Variants in CDV3 observed in about 807,000 individuals in gnomAD.
CDV3 encodes CDV3 homolog.
CDV3 carries 14 observed loss-of-function variants against 24.5 expected under a neutral mutation model. The observed-to-expected ratio is 0.57, with a 90% CI of 0.38 to 0.89. The LOEUF (loss-of-function observed/expected upper bound fraction) is 0.89. CDV3 is among the 40% of genes least tolerant of loss of function. The probability of loss-of-function intolerance (pLI) is 0.00; values close to 1 mark genes in which losing one functional copy is unlikely to be tolerated. For missense variants in CDV3, 304 were observed against 310.2 expected (o/e 0.98, Z 0.15); for synonymous variants, 114 against 114.1 (o/e 1.00, Z 0.00).
chr3:133,584,652 G>A (rs2107732254), intron 3 of CDV3, among the ~76,000 whole-genome samples: 1 of 152,022 alleles, frequency 6.6e-6, no homozygotes, highest in East Asian at 1.9e-4. Context: ...AAAGACAAGG[G>A]GCCCTTGTCT....
At chr3:133,585,827 G>A (rs1933543619) in intron 3 of CDV3, among the ~76,000 whole-genome samples, 1 of 152,150 alleles carries the variant, frequency 6.6e-6, no homozygotes, top group Non-Finnish European at 1.5e-5. Flanking sequence ...TAACCACACT[G>A]GCATTTCATT....
chr3:133,588,549 G>C lies in CDV3; in HGVS notation c.*503G>C, dbSNP rs1443621052. On this transcript the variant is annotated 3_prime_UTR_variant, in exon 5 of 5. Transcript: ENST00000264993. Reference sequence around the variant, plus strand: ...TGGGTTCTGATCTGCTGTAAAAGATGAAGATTTAAGTGACCTTAATTAACC... The same window carrying C: ...TGGGTTCTGATCTGCTGTAAAAGATCAAGATTTAAGTGACCTTAATTAACC... 39 of 637,504 alleles carry C rather than the reference G, an allele frequency of 6.1e-5. No homozygotes were observed. In the East Asian group the frequency reaches 1.0e-3, roughly 17 times the overall value. The allele number at this position is 637,504 out of a possible 1,614,324, so 39.5% of individuals were successfully genotyped here.
At chr3:133,580,244 T>C (rs2074963674) in intron 2 of CDV3, among the ~76,000 whole-genome samples, 1 of 152,110 alleles carries the variant, frequency 6.6e-6, no homozygotes, top group South Asian at 2.1e-4. Context: ...CCTTGTGATA[T>C]TTTGCTGAGA....
chr3:133,584,124 T>G lies in CDV3; in HGVS notation c.440T>G (p.Val147Gly), dbSNP rs761518467. Residue 147 changes from valine to glycine, a missense_variant, in exon 3 of 5, where the codon GTA (valine) becomes GGA (glycine). By Grantham distance (109) the Val-to-Gly change is moderately radical. This residue lies in a region of CDV3 where 219 missense variants were observed against 203.6 expected (regional missense o/e 1.08). Transcript: ENST00000264993. ...SSGPWNKTAP[V>G]QAPPAPVIVT... The stretch of plus-strand genomic sequence containing the variant: ...GGTCCCTGGAATAAAACAGCTCCAG[T>G]ACAAGCACCTCCTGCTCCAGTAATT... The G allele has an allele frequency of 8.1e-6, 13 of 1,611,066 alleles. No individual in the cohort carries two copies. The highest frequency in any genetic ancestry group is 1.0e-5 in the Non-Finnish European group (12 of 1,178,620).
At chr3:133,582,683 G>A (rs1933166003) in intron 2 of CDV3, among the ~76,000 whole-genome samples, 1 of 152,206 alleles carries the variant, frequency 6.6e-6, no homozygotes, top group Non-Finnish European at 1.5e-5. Flanking sequence ...GCAAGGGACA[G>A]AGTTTTGGGA....
At position 133,573,911 on chromosome 3, in the gene CDV3, C is replaced by T. The variant is rs1337024423; in HGVS notation, c.-134C>T. ...GCCGCCCGTCTCGCCGCGCACGCCT[C>T]GGCGACCCCGCGGGGCTGAGGCGTC... On this transcript the variant is annotated 5_prime_UTR_variant, in exon 1 of 5. Transcript: ENST00000264993. The T allele has an allele frequency of 1.8e-5, 12 of 656,768 alleles. No individual in the cohort carries two copies. Among genetic ancestry groups the T allele is most frequent in the Non-Finnish European group, 2.1e-5 (11 of 530,032 alleles). 40.7% of individuals were successfully genotyped at this position (656,768 alleles called of 1,614,324 possible).
chr3:133,585,428 G>A lies in CDV3; in HGVS notation c.467-1135G>A, dbSNP rs185433688. Among the ~76,000 whole-genome samples, 435 of 152,084 alleles carry A rather than the reference G, an allele frequency of 2.9e-3. 3 individuals carry two copies. Among genetic ancestry groups the A allele is most frequent in the Non-Finnish European group, 4.6e-3 (310 of 68,002 alleles). ...GCTCCTGACTTCAAGTGATCTGCCC[G>A]CCTCGGCCTCCCAAAGTGCTGGGAT... On this transcript the variant is annotated intron_variant, in intron 3 of 4. Coordinates refer to ENST00000264993, the MANE Select transcript of CDV3 (RefSeq NM_017548.5).
At position 133,588,764 on chromosome 3, in the gene CDV3, G is replaced by T; in HGVS notation, c.*718G>T. The T allele has an allele frequency of 5.4e-6, 1 of 186,014 alleles. No homozygotes were observed. Among genetic ancestry groups the T allele is most frequent in the Non-Finnish European group, 1.1e-5 (1 of 91,806 alleles). 11.5% of individuals were successfully genotyped at this position (186,014 alleles called of 1,614,324 possible). A position where few individuals can be genotyped will look rare whatever the true frequency, so the allele number is the denominator to read the frequency against. On this transcript the variant is annotated 3_prime_UTR_variant, in exon 5 of 5. Coordinates refer to ENST00000264993, the MANE Select transcript of CDV3 (RefSeq NM_017548.5). ...TCAACCAAACTGGGGTCCACCAAGT[G>T]GGGGAAGGGGAAGGGAGAGAATAAT... is the stretch of plus-strand genomic sequence containing the variant.
At position 133,590,082 on chromosome 3, in the gene CDV3, TTG is replaced by T. The variant is rs1933970097; in HGVS notation, c.*2038_*2039del. The T allele has an allele frequency of 6.6e-6, 1 of 152,194 alleles. No homozygotes were observed. The highest frequency in any genetic ancestry group is 1.5e-5 in the Non-Finnish European group (1 of 68,036). The allele number at this position is 152,194 out of a possible 1,614,324, so 9.4% of individuals were successfully genotyped here. ...CTGCAGCAGATTTAAATTACAACTCTTGTTATAACTTTTTAAAAGATTGTGAA... is the reference window on the plus strand; with the variant it reads ...CTGCAGCAGATTTAAATTACAACTCTTTATAACTTTTTAAAAGATTGTGAA... On this transcript the variant is annotated 3_prime_UTR_variant, in exon 5 of 5. Coordinates refer to ENST00000264993, the MANE Select transcript of CDV3 (RefSeq NM_017548.5).
chr3:133,584,099 G>A lies in CDV3; in HGVS notation c.415G>A (p.Gly139Ser), dbSNP rs760183626. 1.2e-6 allele frequency: 2 copies of A among 1,612,826 alleles called. No homozygotes were observed. Among genetic ancestry groups the A allele is most frequent in the South Asian group, 2.2e-5 (2 of 91,028 alleles). Residue 139 changes from glycine (G) to serine (S), a missense_variant, in exon 3 of 5, where the codon GGT (glycine) becomes AGT (serine). Physicochemically the swap from Gly to Ser is moderately conservative, Grantham distance 56. Coordinates refer to ENST00000264993, the MANE Select transcript of CDV3 (RefSeq NM_017548.5). ...GGGGGMEKSS[G>S]PWNKTAPVQA... ...TGGTGGAGGTATGGAAAAATCTTCA[G>A]GTCCCTGGAATAAAACAGCTCCAGT... is the stretch of plus-strand genomic sequence containing the variant.
intron 3 of CDV3, among the ~76,000 whole-genome samples, chr3:133,585,123 T>C (rs908088322): frequency 4.1e-4 from 62 of 152,218 alleles, no homozygotes; most frequent in African/African-American, 1.4e-3. Flanking sequence ...CATGCAATCA[T>C]GGCTCATTGC....
chr3:133,579,695 C>T (rs746162288), intron 2 of CDV3, among the ~76,000 whole-genome samples: 21 of 152,062 alleles, frequency 1.4e-4, no homozygotes, highest in Admixed American at 2.6e-4. Context: ...CAAGTTCAAG[C>T]GATTCTCCTG....
At chr3:133,576,214 T>G (rs1465160383) in intron 2 of CDV3, among the ~76,000 whole-genome samples, 1 of 152,186 alleles carries the variant, frequency 6.6e-6, no homozygotes, top group Non-Finnish European at 1.5e-5. Context: ...ACCCCCAGAT[T>G]GATAATGGGA....
At chr3:133,574,958 A>G in intron 1 of CDV3, 81 bp from the exon 2 acceptor site, 1 of 918,618 alleles carries the variant, frequency 1.1e-6, no homozygotes, top group Admixed American at 1.9e-5. Flanking sequence ...CAGCCACTTG[A>G]TCCACTTTTC....
At position 133,588,773 on chromosome 3, in the gene CDV3, G is replaced by A; in HGVS notation, c.*727G>A. On this transcript the variant is annotated 3_prime_UTR_variant, in exon 5 of 5. Transcript: ENST00000264993. ...CTGGGGTCCACCAAGTGGGGGAAGG[G>A]GAAGGGAGAGAATAATCTTGGGGGT... is the stretch of plus-strand genomic sequence containing the variant. 1 of 181,310 alleles carries A rather than the reference G, an allele frequency of 5.5e-6. No homozygotes were observed. Among genetic ancestry groups the A allele is most frequent in the Non-Finnish European group, 1.1e-5 (1 of 89,546 alleles). 11.2% of individuals were successfully genotyped at this position (181,310 alleles called of 1,614,324 possible).
chr3:133,577,568 C>G (rs1276517539), intron 2 of CDV3, among the ~76,000 whole-genome samples: 1 of 152,100 alleles, frequency 6.6e-6, no homozygotes, highest in African/African-American at 2.4e-5. Flanking sequence ...CCATGTTGTT[C>G]AGGCTGGTCT....
In CDV3 at chr3:133,575,020, A is replaced by G. The variant is rs765858218; in HGVS notation, c.241-19A>G. ...GTCTACAAATAGCTTTAATTGATCAAATGGCGTTTGTTTTACAGGACGAAG... is the reference window on the plus strand; with the variant it reads ...GTCTACAAATAGCTTTAATTGATCAGATGGCGTTTGTTTTACAGGACGAAG... On this transcript the variant is annotated intron_variant, in intron 1 of 4. Transcript: ENST00000264993. 8 of 1,498,836 alleles carry G rather than the reference A, an allele frequency of 5.3e-6. No individual in the cohort carries two copies. Among genetic ancestry groups the G allele is most frequent in the South Asian group, 1.1e-5 (1 of 88,620 alleles). 92.8% of individuals were successfully genotyped at this position (1,498,836 alleles called of 1,614,324 possible). A position where few individuals can be genotyped will look rare whatever the true frequency, so the allele number is the denominator to read the frequency against.
intron 2 of CDV3, among the ~76,000 whole-genome samples, chr3:133,580,894 C>T (rs1932951908): frequency 6.6e-6 from 1 of 152,164 alleles, no homozygotes. Flanking sequence ...GATGTACAAT[C>T]CCTCTAATTA....
At chr3:133,580,864 T>G (rs1344425771) in intron 2 of CDV3, among the ~76,000 whole-genome samples, 2 of 152,236 alleles carry the variant, frequency 1.3e-5, no homozygotes, top group African/African-American at 4.8e-5. Context: ...CTAAATTGTC[T>G]CCTTGTGCCT....
Sources: gnomAD v4.1 joint callset for allele counts (sites outside exome capture counted in the v4.1 genomes callset) on GRCh38, gnomAD v4.1.1 for gene constraint, gnomAD v4.1.1 regional missense constraint, MANE v1.5 for transcripts, NCBI Gene and HGNC (gene_info 2026-07-23, HGNC 2026-07-21) for gene names.